Variants in PIP4K2A observed in about 807,000 individuals in gnomAD.
PIP4K2A encodes the protein phosphatidylinositol 5-phosphate 4-kinase type-2 alpha.
A neutral mutation model predicts 42.9 loss-of-function variants in PIP4K2A; 14 were observed. That is an observed-to-expected ratio of 0.33 (90% confidence interval 0.22 to 0.51). PIP4K2A has a LOEUF of 0.51. Ranked by LOEUF, PIP4K2A falls within the 20% of genes least tolerant of loss-of-function variation. PIP4K2A has a pLI of 0.97. For missense variants in PIP4K2A, 434 were observed against 519.8 expected (o/e 0.83, Z 1.61); for synonymous variants, 192 against 192.2 (o/e 1.00, Z 0.01).
chr10:22,635,689 A>T (rs1838646952), intron 1 of PIP4K2A, among the ~76,000 whole-genome samples: 2 of 152,160 alleles, frequency 1.3e-5, no homozygotes, highest in South Asian at 4.1e-4. Context: ...GAAGCATGGA[A>T]AGTTATGAGC....
chr10:22,653,208 AAAG>A (rs1466673378), intron 1 of PIP4K2A, among the ~76,000 whole-genome samples: 14 of 152,316 alleles, frequency 9.2e-5, no homozygotes, highest in African/African-American at 1.4e-4. Context: ...TTCAAAGAAT[AAAG>A]AAGAAGATAT....
In PIP4K2A at chr10:22,714,189, G is replaced by A. The variant is rs1314525832; in HGVS notation, c.138C>T (p.Asn46=). 2 of 1,607,892 alleles carry A rather than the reference G, an allele frequency of 1.2e-6. No homozygotes were observed. The highest frequency in any genetic ancestry group is 2.2e-5 in the South Asian group (2 of 90,712). ...PLLSVLMWGV[N]HSINELSHVQ... Reference sequence around the variant, plus strand: ...GCCGCAGCTGAGCCCTTACCGAGTGGTTTACCCCCCACATGAGGACGCTGA... The same window carrying A: ...GCCGCAGCTGAGCCCTTACCGAGTGATTTACCCCCCACATGAGGACGCTGA... Residue 46 remains asparagine (N), a synonymous_variant, in exon 1 of 10, where the codon AAC becomes AAT. Coordinates refer to ENST00000376573, the MANE Select transcript of PIP4K2A (RefSeq NM_005028.5).
At chr10:22,625,578 G>A (rs756389844) in intron 1 of PIP4K2A, among the ~76,000 whole-genome samples, 2 of 152,178 alleles carry the variant, frequency 1.3e-5, no homozygotes, top group Admixed American at 6.5e-5. Context: ...CCCCAGGGAT[G>A]AGGAAACAGG....
intron 3 of PIP4K2A, among the ~76,000 whole-genome samples, chr10:22,597,970 C>T (rs1398452755): frequency 1.3e-5 from 2 of 151,394 alleles, no homozygotes; most frequent in Non-Finnish European, 2.9e-5. Context: ...TCCACCCAGG[C>T]TTTGGAGAGA....
chr10:22,594,225 A>G (rs1837577921), intron 3 of PIP4K2A, among the ~76,000 whole-genome samples: 1 of 152,214 alleles, frequency 6.6e-6, no homozygotes. Flanking sequence ...TAAGTACATT[A>G]TAATTACAGA....
chr10:22,549,226 G>A (rs78908480), intron 7 of PIP4K2A, among the ~76,000 whole-genome samples: 2,974 of 152,196 alleles, frequency 0.02, 100 homozygotes, highest in African/African-American at 0.067. Context: ...TAATAACTTG[G>A]TCAGTGTGAG....
chr10:22,688,168 G>A (rs1167577141), intron 1 of PIP4K2A, among the ~76,000 whole-genome samples: 1 of 152,088 alleles, frequency 6.6e-6, no homozygotes, highest in East Asian at 1.9e-4. Context: ...GTCCACCAAA[G>A]TGACAATAAT....
At chr10:22,679,459 T>C (rs926965263) in intron 1 of PIP4K2A, among the ~76,000 whole-genome samples, 1 of 152,190 alleles carries the variant, frequency 6.6e-6, no homozygotes, top group East Asian at 1.9e-4. Context: ...ACTTCATACA[T>C]TGCTAGTAAG....
At chr10:22,632,682 T>C (rs1838573899) in intron 1 of PIP4K2A, among the ~76,000 whole-genome samples, 1 of 152,188 alleles carries the variant, frequency 6.6e-6, no homozygotes, top group Non-Finnish European at 1.5e-5. Flanking sequence ...TGCCCCTTCA[T>C]TGTTATTTTT....
At chr10:22,636,911 C>G (rs2130782981) in intron 1 of PIP4K2A, among the ~76,000 whole-genome samples, 1 of 152,298 alleles carries the variant, frequency 6.6e-6, no homozygotes, top group African/African-American at 2.4e-5. Context: ...AAGGTGGTTA[C>G]AACAGCCCCA....
intron 1 of PIP4K2A, among the ~76,000 whole-genome samples, chr10:22,641,617 T>A (rs534847480): frequency 1.5e-4 from 22 of 151,290 alleles, no homozygotes; most frequent in South Asian, 1.3e-3. Context: ...AGGTTTTTTT[T>A]TAAAAAAAAA....
At chr10:22,583,796 T>C (rs1008216999) in intron 4 of PIP4K2A, among the ~76,000 whole-genome samples, 5 of 152,252 alleles carry the variant, frequency 3.3e-5, no homozygotes, top group African/African-American at 1.2e-4. Context: ...GACGCCCAGA[T>C]TCCCTCCAGG....
chr10:22,580,920 C>T (rs1366736939), intron 4 of PIP4K2A, among the ~76,000 whole-genome samples: 1 of 152,172 alleles, frequency 6.6e-6, no homozygotes, highest in Admixed American at 6.5e-5. Flanking sequence ...GCCCGGGAGG[C>T]TCCTTTGTAG....
intron 1 of PIP4K2A, among the ~76,000 whole-genome samples, chr10:22,712,714 C>A (rs1378355258): frequency 6.6e-6 from 1 of 152,020 alleles, no homozygotes; most frequent in Non-Finnish European, 1.5e-5. Flanking sequence ...AAAGAAGTTG[C>A]CAGGAAGTTA....
At chr10:22,694,527 G>T (rs1374423966) in intron 1 of PIP4K2A, 1 of 152,204 alleles carries the variant, frequency 6.6e-6, no homozygotes, top group Non-Finnish European at 1.5e-5. Flanking sequence ...TTTTAAGAAT[G>T]ATTAACACAT....
chr10:22,657,512 G>T (rs1053323328), intron 1 of PIP4K2A, among the ~76,000 whole-genome samples: 2 of 152,158 alleles, frequency 1.3e-5, no homozygotes, highest in African/African-American at 2.4e-5. Context: ...TCACCTGAAG[G>T]ATCTTCAAAA....
chr10:22,655,825 T>C (rs1377271086), intron 1 of PIP4K2A, among the ~76,000 whole-genome samples: 1 of 152,170 alleles, frequency 6.6e-6, no homozygotes, highest in African/African-American at 2.4e-5. Context: ...AATCTGTGAT[T>C]TGTGCAAGAG....
At position 22,593,268 on chromosome 10, in the gene PIP4K2A, C is replaced by T. The variant is rs367669067; in HGVS notation, c.340-1487G>A. Among the ~76,000 whole-genome samples the T allele has an allele frequency of 2.4e-4, 36 of 152,246 alleles. No individual in the cohort carries two copies. In the East Asian group the frequency reaches 2.9e-3, roughly 12 times the overall value. Reference sequence around the variant, plus strand: ...ACACCTTGATCTGAAGGCAAGCAGGCGCACCTGCCAGATGCAGAGTCCAGG... The same window carrying T: ...ACACCTTGATCTGAAGGCAAGCAGGTGCACCTGCCAGATGCAGAGTCCAGG... On this transcript the variant is annotated intron_variant, in intron 3 of 9. Transcript: ENST00000376573.
chr10:22,702,678 C>A (rs1402276636), intron 1 of PIP4K2A, among the ~76,000 whole-genome samples: 1 of 152,162 alleles, frequency 6.6e-6, no homozygotes, highest in Non-Finnish European at 1.5e-5. Flanking sequence ...ACAACCCGCT[C>A]AGCAAAATGC....
Sources: gnomAD v4.1 joint callset for allele counts (sites outside exome capture counted in the v4.1 genomes callset) on GRCh38, gnomAD v4.1.1 for gene constraint, MANE v1.5 for transcripts, NCBI Gene and HGNC (gene_info 2026-07-23, HGNC 2026-07-21) for gene names.